Variants in GALNT13 observed in about 807,000 individuals in gnomAD.
GALNT13 encodes the protein polypeptide N-acetylgalactosaminyltransferase 13.
GALNT13 carries 28 observed loss-of-function variants against 64.2 expected under a neutral mutation model. The observed-to-expected ratio is 0.44, with a 90% CI of 0.32 to 0.60. The LOEUF is 0.60. Among genes scored for constraint, GALNT13 ranks in the 20% least tolerant of loss-of-function variants. The probability of loss-of-function intolerance (pLI) is 0.05; values close to 1 mark genes in which losing one functional copy is unlikely to be tolerated. For missense variants in GALNT13, 577 were observed against 669.8 expected, an observed-to-expected ratio of 0.86 and a Z score of 1.53; for synonymous variants, 214 against 224.6, an observed-to-expected ratio of 0.95 and a Z score of 0.42.
At chr2:153,209,128 C>T in the GALNT13 span, among the ~76,000 whole-genome samples, 1 of 151,778 alleles carries the variant, frequency 6.6e-6, no homozygotes, top group Non-Finnish European at 1.5e-5. Context: ...CAGGCGCCTG[C>T]CACCATGCCC....
At chr2:154,072,741 G>A (rs1468656770) in intron 3 of GALNT13, among the ~76,000 whole-genome samples, 1 of 151,918 alleles carries the variant, frequency 6.6e-6, no homozygotes, top group Non-Finnish European at 1.5e-5. Context: ...ACAAGAATTA[G>A]ATAAAATTGA....
chr2:153,080,440 A>T, the GALNT13 span, among the ~76,000 whole-genome samples: 2 of 152,110 alleles, frequency 1.3e-5, no homozygotes, highest in Non-Finnish European at 2.9e-5. Flanking sequence ...GTTGTTTAAT[A>T]CCATGCTTTT....
the GALNT13 span, among the ~76,000 whole-genome samples, chr2:153,708,137 C>T: frequency 6.6e-6 from 1 of 151,830 alleles, no homozygotes; most frequent in Non-Finnish European, 1.5e-5. Flanking sequence ...ATATAGGGCC[C>T]ACCTTTGGCA....
intron 4 of GALNT13, among the ~76,000 whole-genome samples, chr2:154,212,149 G>A (rs1193318948): frequency 2.0e-5 from 3 of 152,152 alleles, no homozygotes; most frequent in Non-Finnish European, 2.9e-5. Flanking sequence ...GACAGGAAGT[G>A]TAGGCAACTT....
At chr2:154,021,100 G>A (rs965304665) in intron 3 of GALNT13, among the ~76,000 whole-genome samples, 4 of 152,152 alleles carry the variant, frequency 2.6e-5, no homozygotes, top group African/African-American at 7.2e-5. Flanking sequence ...TTTGGTTACT[G>A]TAGCCTTGTA....
intron 8 of GALNT13, among the ~76,000 whole-genome samples, chr2:154,293,818 A>G (rs935424371): frequency 2.6e-5 from 4 of 152,152 alleles, no homozygotes; most frequent in African/African-American, 7.2e-5. Context: ...ACTCCACTCA[A>G]TTTGAGTTCT....
chr2:153,147,156 GA>G, the GALNT13 span, among the ~76,000 whole-genome samples: 40,486 of 150,340 alleles, frequency 0.27, 5,473 homozygotes, highest in South Asian at 0.32. Context: ...GGGCAAAAAA[GA>G]AAAAAAAAGA....
intron 10 of GALNT13, among the ~76,000 whole-genome samples, chr2:154,399,965 A>G (rs900095817): frequency 1.8e-4 from 28 of 152,278 alleles, no homozygotes; most frequent in African/African-American, 5.8e-4. Context: ...CTGGAGTATT[A>G]ATGTACTGTA....
intron 9 of GALNT13, among the ~76,000 whole-genome samples, chr2:154,346,607 G>C (rs112775815): frequency 0.067 from 10,169 of 152,040 alleles, 401 homozygotes; most frequent in African/African-American, 0.09. Context: ...TGTACCTTTT[G>C]CCTTCTGCCA....
chr2:153,310,094 T>C, the GALNT13 span, among the ~76,000 whole-genome samples: 1 of 152,240 alleles, frequency 6.6e-6, no homozygotes, highest in Non-Finnish European at 1.5e-5. Flanking sequence ...GTAAGTTTTA[T>C]GGCTATCTTG....
At chr2:154,198,000 G>GA (rs1327185857) in intron 4 of GALNT13, among the ~76,000 whole-genome samples, 2 of 151,054 alleles carry the variant, frequency 1.3e-5, no homozygotes, top group Non-Finnish European at 3.0e-5. Flanking sequence ...AATTAAAAAA[G>GA]AAAAAAATAG....
At chr2:153,348,282 A>G in the GALNT13 span, among the ~76,000 whole-genome samples, 51 of 152,348 alleles carry the variant, frequency 3.3e-4, no homozygotes, top group Admixed American at 2.2e-3. Flanking sequence ...TTAAAAGAAC[A>G]GACCTTTCAG....
At chr2:154,279,660 G>T (rs1196929062) in intron 8 of GALNT13, among the ~76,000 whole-genome samples, 1 of 152,082 alleles carries the variant, frequency 6.6e-6, no homozygotes, top group Non-Finnish European at 1.5e-5. Context: ...CATATCTAAA[G>T]AAATAAACTT....
At chr2:154,357,495 A>C (rs1488083209) in intron 9 of GALNT13, among the ~76,000 whole-genome samples, 1 of 152,050 alleles carries the variant, frequency 6.6e-6, no homozygotes, top group Non-Finnish European at 1.5e-5. Flanking sequence ...GGCGTGTAAA[A>C]AGGCATGCAA....
At chr2:153,196,096 G>A in the GALNT13 span, among the ~76,000 whole-genome samples, 13 of 152,212 alleles carry the variant, frequency 8.5e-5, no homozygotes, top group Non-Finnish European at 1.3e-4. Context: ...GGGCCACCAG[G>A]AGCGGGTCAG....
chr2:153,792,095 T>C, the GALNT13 span, among the ~76,000 whole-genome samples: 38 of 152,164 alleles, frequency 2.5e-4, no homozygotes, highest in Non-Finnish European at 1.5e-4. Flanking sequence ...AAAATAAATA[T>C]TGTTTGTAAT....
At chr2:153,926,242 C>A (rs1277794944) in intron 2 of GALNT13, 1 of 151,964 alleles carries the variant, frequency 6.6e-6, no homozygotes. Context: ...AATTTATTTA[C>A]ATGAGATGAA....
At chr2:154,151,446 C>G (rs1318793264) in intron 4 of GALNT13, among the ~76,000 whole-genome samples, 1 of 152,208 alleles carries the variant, frequency 6.6e-6, no homozygotes, top group East Asian at 1.9e-4. Context: ...TCTATTAGGT[C>G]CGCTTGGTGC....
Position 154,343,217 on chromosome 2 carries a change from A to T in GALNT13, c.1156+41628A>T, listed in dbSNP as rs1219728156. On this transcript the variant is annotated intron_variant, in intron 9 of 12. Transcript: ENST00000392825. ...CCAGAGACTTGGAGGATATTCTGAG[A>T]TTTAGATTTGAAAACTCAGTGAAAT... is the stretch of plus-strand genomic sequence containing the variant. Among the ~76,000 whole-genome samples, 6 of 152,006 alleles carry T rather than the reference A, an allele frequency of 3.9e-5. No individual in the cohort carries two copies. The East Asian group carries it at 1.2e-3, about 29-fold the overall frequency.
Sources: allele counts gnomAD v4.1 joint callset (sites outside exome capture counted in the v4.1 genomes callset), GRCh38; gene constraint gnomAD v4.1.1; transcripts MANE v1.5; gene names NCBI Gene and HGNC (gene_info 2026-07-23, HGNC 2026-07-21).